Variants in POLK observed in about 807,000 individuals in gnomAD.
The protein encoded by POLK is DNA polymerase kappa.
A neutral mutation model predicts 94.0 loss-of-function variants in POLK; 76 were observed. The ratio of observed to expected loss-of-function variants is 0.81; its 90% CI spans 0.67 to 0.98. The LOEUF (loss-of-function observed/expected upper bound fraction) is 0.98. Among genes scored for constraint, POLK ranks in the 50% least tolerant of loss-of-function variants. The probability of loss-of-function intolerance (pLI) is 0.00; values close to 1 mark genes in which losing one functional copy is unlikely to be tolerated. For synonymous variants in POLK, 349 were observed against 325.4 expected (o/e 1.07, Z -0.78); for missense variants, 954 against 1,010.1 (o/e 0.94, Z 0.75).
chr5:75,573,326 A>T (rs552125898), intron 4 of POLK, among the ~76,000 whole-genome samples: 1 of 152,260 alleles, frequency 6.6e-6, no homozygotes, highest in East Asian at 1.9e-4. Flanking sequence ...GAACACGTGG[A>T]CACAGGAAGG....
intron 1 of POLK, among the ~76,000 whole-genome samples, chr5:75,535,663 C>T (rs1030751324): frequency 4.0e-5 from 6 of 151,656 alleles, no homozygotes; most frequent in Admixed American, 3.9e-4. Context: ...ATTGTTTTTT[C>T]TTTATTTTTG....
intron 1 of POLK, among the ~76,000 whole-genome samples, chr5:75,527,717 C>A (rs1452043946): frequency 1.3e-5 from 2 of 151,952 alleles, no homozygotes; most frequent in Non-Finnish European, 2.9e-5. Context: ...ATCTCAAAAT[C>A]TTTTTGGAAA....
At chr5:75,522,273 G>C (rs374414890) in intron 1 of POLK, among the ~76,000 whole-genome samples, 7 of 152,188 alleles carry the variant, frequency 4.6e-5, no homozygotes, top group Admixed American at 4.6e-4. Flanking sequence ...GTGGGGAGGG[G>C]TGTCATAGAT....
At chr5:75,591,364 G>A (rs558125028) in intron 11 of POLK, among the ~76,000 whole-genome samples, 14 of 152,164 alleles carry the variant, frequency 9.2e-5, no homozygotes, top group African/African-American at 3.4e-4. Flanking sequence ...AATATCTGAT[G>A]AGTATCTTTC....
intron 4 of POLK, among the ~76,000 whole-genome samples, chr5:75,571,349 C>G (rs371037851): frequency 6.6e-6 from 1 of 152,134 alleles, no homozygotes; most frequent in Non-Finnish European, 1.5e-5. Flanking sequence ...AATGTTCTAA[C>G]TTGGCACTGA....
At chr5:75,568,790 G>T in intron 3 of POLK, 1 of 244,410 alleles carries the variant, frequency 4.1e-6, no homozygotes, top group Non-Finnish European at 8.3e-6. Flanking sequence ...ATGCCAAAGA[G>T]GTACTATATT....
At chr5:75,593,293 A>T (rs1030558519) in intron 11 of POLK, among the ~76,000 whole-genome samples, 1 of 151,732 alleles carries the variant, frequency 6.6e-6, no homozygotes, top group African/African-American at 2.4e-5. Flanking sequence ...CATCACGCTC[A>T]GCTAATTTTT....
exon 2 of POLK, chr5:75,547,024 T>G (rs1266838203): frequency 6.7e-7 from 1 of 1,493,352 alleles, no homozygotes; most frequent in South Asian, 1.3e-5. Context: ...GTTTATACCA[T>G]GGATAGCACA....
At chr5:75,558,217 C>G (rs1770741635) in intron 3 of POLK, among the ~76,000 whole-genome samples, 1 of 149,756 alleles carries the variant, frequency 6.7e-6, no homozygotes, top group South Asian at 2.1e-4. Context: ...GAACAATATT[C>G]TTATAATTTT....
chr5:75,573,693 A>C (rs373927389), intron 4 of POLK, 45 bp from the exon 5 acceptor site: 1 of 1,525,774 alleles, frequency 6.6e-7, no homozygotes. Context: ...CAATATGTCC[A>C]TTTAGGTTTG....
chr5:75,553,401 CCTT>C (rs5744610), intron 3 of POLK, among the ~76,000 whole-genome samples: 2,044 of 152,216 alleles, frequency 0.013, 46 homozygotes, highest in African/African-American at 0.047. Flanking sequence ...GCTACAAAAT[CCTT>C]CTCTTGTGAC....
At chr5:75,570,399 A>G (rs1031928400) in intron 4 of POLK, among the ~76,000 whole-genome samples, 1 of 152,204 alleles carries the variant, frequency 6.6e-6, no homozygotes, top group Admixed American at 6.5e-5. Flanking sequence ...CCAGCTTTTT[A>G]TTGGAACAAA....
chr5:75,564,231 CTTCT>C (rs368246035), intron 3 of POLK, among the ~76,000 whole-genome samples: 1,876 of 148,028 alleles, frequency 0.013, 41 homozygotes, highest in African/African-American at 0.043. Context: ...GCTTTTTTTT[CTTCT>C]TTCTTTCTTT....
At chr5:75,604,819 G>A (rs993208051), downstream of POLK, among the ~76,000 whole-genome samples, 5 of 152,168 alleles carry the variant, frequency 3.3e-5, no homozygotes, top group Non-Finnish European at 7.3e-5. Context: ...TTCTTTAATT[G>A]TATAATTAAG....
intron 1 of POLK, among the ~76,000 whole-genome samples, chr5:75,520,159 A>G (rs1322391996): frequency 1.4e-4 from 22 of 152,242 alleles, no homozygotes; most frequent in Non-Finnish European, 1.6e-4. Context: ...ACTAACAAAG[A>G]AATTTAAAAA....
chr5:75,557,154 A>G (rs777595614), intron 3 of POLK, among the ~76,000 whole-genome samples: 3 of 152,170 alleles, frequency 2.0e-5, no homozygotes, highest in African/African-American at 2.4e-5. Context: ...ATGTGAGTCT[A>G]TTTCTGGGCT....
chr5:75,523,238 C>G (rs1408295205), intron 1 of POLK, among the ~76,000 whole-genome samples: 3 of 152,134 alleles, frequency 2.0e-5, no homozygotes, highest in Admixed American at 6.5e-5. Flanking sequence ...TTAGTAAACA[C>G]CTATCCATTG....
At chr5:75,528,497 A>G (rs972496168) in intron 1 of POLK, among the ~76,000 whole-genome samples, 2 of 152,144 alleles carry the variant, frequency 1.3e-5, no homozygotes, top group African/African-American at 4.8e-5. Flanking sequence ...TATCATTGGA[A>G]TAAACATTGA....
In POLK at chr5:75,569,507, A is replaced by G. The variant is rs1482026735; in HGVS notation, c.408+15A>G. The G allele has an allele frequency of 6.3e-7, 1 of 1,594,088 alleles. No individual in the cohort carries two copies. The highest frequency in any genetic ancestry group is 1.4e-5 in the African/African-American group (1 of 73,872). ...TGAGTATGCTGGTAAGTAAAGATCA[A>G]ATACAAAAAGGAAATTTTATAACGT... On this transcript the variant is annotated intron_variant, in intron 4 of 14. Coordinates refer to ENST00000241436, the Ensembl canonical transcript of POLK.
Sources: gnomAD v4.1 joint callset for allele counts (sites outside exome capture counted in the v4.1 genomes callset) on GRCh38, gnomAD v4.1.1 for gene constraint, MANE v1.5 for transcripts, NCBI Gene and HGNC (gene_info 2026-07-23, HGNC 2026-07-21) for gene names.